RIC1: variants seen among roughly 807,000 people sequenced by gnomAD.
RIC1 encodes the protein guanine nucleotide exchange factor subunit RIC1.
Under a neutral mutation model 169.0 loss-of-function variants are expected in RIC1, and 88 were observed. That is an observed-to-expected ratio of 0.52 (90% CI 0.44 to 0.62). The LOEUF is 0.62. Among genes scored for constraint, RIC1 ranks in the 20% least tolerant of loss-of-function variants. RIC1 has a pLI of 0.00. For missense variants in RIC1, 1,877 were observed against 1,725.5 expected (o/e 1.09, Z -1.56); for synonymous variants, 790 against 601.5 (o/e 1.31, Z -4.59).
chr9:5,718,099 C>A (rs563101056), intron 4 of RIC1, among the ~76,000 whole-genome samples: 5 of 124,872 alleles, frequency 4.0e-5, no homozygotes, highest in Non-Finnish European at 7.8e-5. Context: ...GAGATGGTAC[C>A]ACTGCACTCC....
chr9:5,757,493 G>C, intron 17 of RIC1, 42 bp downstream of exon 17: 1 of 1,606,112 alleles, frequency 6.2e-7, no homozygotes, highest in Non-Finnish European at 8.5e-7. Context: ...TTACATTTCT[G>C]TTTTTAGTAT....
At chr9:5,702,705 ATT>A (rs957335563) in intron 3 of RIC1, among the ~76,000 whole-genome samples, 4 of 151,794 alleles carry the variant, frequency 2.6e-5, no homozygotes, top group African/African-American at 9.7e-5. Context: ...TGCCCGGCTA[ATT>A]TTTTTTGTGT....
chr9:5,678,015 A>T (rs1250668020), intron 2 of RIC1, among the ~76,000 whole-genome samples: 2 of 149,542 alleles, frequency 1.3e-5, no homozygotes, highest in Non-Finnish European at 3.0e-5. Context: ...ACCCCACAAC[A>T]GTCCCCAGTG....
At chr9:5,725,134 A>G (rs887734394) in intron 6 of RIC1, among the ~76,000 whole-genome samples, 3 of 152,164 alleles carry the variant, frequency 2.0e-5, no homozygotes, top group East Asian at 1.9e-4. Context: ...AAGGAATGGT[A>G]CCAGTTCCTC....
At chr9:5,757,195 G>A (rs185997948) in intron 16 of RIC1, 118 bp from the exon 17 acceptor site, 3 of 1,147,374 alleles carry the variant, frequency 2.6e-6, no homozygotes, top group Admixed American at 3.8e-5. Flanking sequence ...GAAGATGATA[G>A]GTAGTAAGAC....
chr9:5,692,237 G>A (rs1383527445), intron 3 of RIC1, among the ~76,000 whole-genome samples: 1 of 152,000 alleles, frequency 6.6e-6, no homozygotes, highest in Non-Finnish European at 1.5e-5. Context: ...AATGTTGGCT[G>A]TGCCACTTTT....
intron 6 of RIC1, among the ~76,000 whole-genome samples, chr9:5,722,557 T>C (rs1823670031): frequency 6.6e-6 from 1 of 152,100 alleles, no homozygotes; most frequent in Non-Finnish European, 1.5e-5. Context: ...CCTTTCTAAA[T>C]CTATCTTTTT....
intron 7 of RIC1, among the ~76,000 whole-genome samples, chr9:5,732,747 A>G (rs957777625): frequency 2.6e-5 from 4 of 152,248 alleles, no homozygotes; most frequent in African/African-American, 9.6e-5. Flanking sequence ...GTTAAACAGA[A>G]TAAATCAGTT....
At chr9:5,654,898 A>G (rs1037629126) in intron 1 of RIC1, among the ~76,000 whole-genome samples, 1 of 152,170 alleles carries the variant, frequency 6.6e-6, no homozygotes, top group Non-Finnish European at 1.5e-5. Context: ...TATTGCTGGT[A>G]TATAGAAAAT....
chr9:5,713,739 A>G (rs1823069723), intron 3 of RIC1, 157 bp from the exon 4 acceptor site: 8 of 496,242 alleles, frequency 1.6e-5, no homozygotes, highest in East Asian at 3.3e-5. Flanking sequence ...AATGTCTGCT[A>G]TAATAGAATT....
At chr9:5,767,423 G>C (rs185846969) in intron 21 of RIC1, among the ~76,000 whole-genome samples, 1 of 149,928 alleles carries the variant, frequency 6.7e-6, no homozygotes. Flanking sequence ...ATGTTCTTCT[G>C]TTGTTGTCTC....
At chr9:5,644,931 T>A (rs1818427871) in intron 1 of RIC1, among the ~76,000 whole-genome samples, 1 of 152,196 alleles carries the variant, frequency 6.6e-6, no homozygotes, top group Admixed American at 6.5e-5. Flanking sequence ...TTTGTAGTGG[T>A]GTCTTATTTG....
chr9:5,676,180 G>A (rs1820429629), intron 2 of RIC1, among the ~76,000 whole-genome samples: 1 of 152,128 alleles, frequency 6.6e-6, no homozygotes, highest in African/African-American at 2.4e-5. Context: ...GACTCCCAAA[G>A]TGCTGGGATT....
downstream of RIC1, among the ~76,000 whole-genome samples, chr9:5,777,306 GTTTTT>G (rs576281540): frequency 7.0e-6 from 1 of 143,184 alleles, no homozygotes; most frequent in Non-Finnish European, 1.5e-5. Context: ...CAATATTCAA[GTTTTT>G]TTTTTTAAGT....
intron 6 of RIC1, among the ~76,000 whole-genome samples, chr9:5,724,522 T>A (rs1282832768): frequency 1.3e-5 from 2 of 152,228 alleles, no homozygotes; most frequent in African/African-American, 2.4e-5. Flanking sequence ...CAATTTGACT[T>A]CCTCTTTTCC....
At position 5,769,999 on chromosome 9, in the gene RIC1, G is replaced by A; in HGVS notation, c.3425-88G>A. On this transcript the variant is annotated intron_variant, in intron 22 of 25. Transcript: ENST00000414202. ...ACTGTTCTTATTGGGTAGGCAGGTA[G>A]GGGAAGCTAAAAGAGCTGAATTGAA... 2.5e-6 allele frequency: 3 copies of A among 1,194,556 alleles called. No homozygotes were observed. The East Asian group carries it at 7.7e-5, about 31-fold the overall frequency. The allele number at this position is 1,194,556 out of a possible 1,614,324, so 74.0% of individuals were successfully genotyped here. A position where few individuals can be genotyped will look rare whatever the true frequency, so the allele number is the denominator to read the frequency against.
chr9:5,693,427 G>A (rs1821701588), intron 3 of RIC1, among the ~76,000 whole-genome samples: 1 of 152,082 alleles, frequency 6.6e-6, no homozygotes, highest in Non-Finnish European at 1.5e-5. Context: ...GATGTTGGGA[G>A]TCAGTCTATA....
intron 21 of RIC1, 105 bp downstream of exon 21, chr9:5,765,903 T>C (rs78334164): frequency 0.036 from 49,904 of 1,372,898 alleles, 1,230 homozygotes; most frequent in Middle Eastern, 0.13. Context: ...TTTAATCCAA[T>C]TGCAGTTTCT....
rs143821844 is a variant in RIC1, at chr9:5,655,012, T to C, written c.145-1571T>C. The stretch of plus-strand genomic sequence containing the variant: ...TCTGTCAAATTTTCTACATAGATGA[T>C]CACATTATCTATGAGTAAAGACAGT... On this transcript the variant is annotated intron_variant, in intron 1 of 25. Coordinates refer to ENST00000414202, the MANE Select transcript of RIC1 (RefSeq NM_020829.4). 1.4e-3 allele frequency among the ~76,000 whole-genome samples: 215 copies of C among 152,334 alleles called. 1 individual carries two copies. The highest frequency in any genetic ancestry group is 5.0e-3 in the African/African-American group (208 of 41,578).
Sources: allele counts gnomAD v4.1 joint callset (sites outside exome capture counted in the v4.1 genomes callset), GRCh38; gene constraint gnomAD v4.1.1; transcripts MANE v1.5; gene names NCBI Gene and HGNC (gene_info 2026-07-23, HGNC 2026-07-21).